SAMD15: variants seen among roughly 807,000 people sequenced by gnomAD.
The protein encoded by SAMD15 is sterile alpha motif domain-containing protein 15.
A neutral mutation model predicts 50.5 loss-of-function variants in SAMD15; 37 were observed. That is an observed-to-expected ratio of 0.73 (90% confidence interval 0.56 to 0.96). The LOEUF (loss-of-function observed/expected upper bound fraction) is 0.96, where lower values mean the gene tolerates loss of function less well. Ranked by LOEUF, SAMD15 falls within the 40% of genes least tolerant of loss-of-function variation. The probability of loss-of-function intolerance (pLI) is 0.00; values close to 1 mark genes in which losing one functional copy is unlikely to be tolerated. For missense variants in SAMD15, 789 were observed against 783.8 expected (o/e 1.01, Z -0.08); for synonymous variants, 255 against 282.8 (o/e 0.90, Z 0.99).
intron 1 of SAMD15, among the ~76,000 whole-genome samples, chr14:77,379,949 A>T (rs978384456): frequency 2.6e-5 from 4 of 152,244 alleles, no homozygotes. Flanking sequence ...ACTAGGTTTA[A>T]GGCTACCACA....
chr14:77,377,729 A>G lies in SAMD15; in HGVS notation c.311A>G (p.His104Arg). The part of the protein sequence containing the change: ...DVPSETEPGI[H>R]QEVKSETSRE... The stretch of plus-strand genomic sequence containing the variant: ...CCAAGCGAAACTGAACCAGGGATAC[A>G]CCAAGAGGTAAAGTCGGAAACATCC... The change falls in exon 1 of 3, where the codon CAC (histidine) becomes CGC (arginine). Residue 104 changes from histidine to arginine, a missense_variant. This residue lies in a region of SAMD15 where 770 missense variants were observed against 745.4 expected (regional missense o/e 1.03). Coordinates refer to ENST00000216471, the MANE Select transcript of SAMD15 (RefSeq NM_001010860.4). The G allele has an allele frequency of 6.2e-7, 1 of 1,614,242 alleles. No individual in the cohort carries two copies. Among genetic ancestry groups the G allele is most frequent in the Non-Finnish European group, 8.5e-7 (1 of 1,180,044 alleles).
In SAMD15 at chr14:77,391,050, C is replaced by T. The variant is rs748835296; in HGVS notation, c.1831C>T (p.Pro611Ser). The T allele has an allele frequency of 7.4e-6, 12 of 1,613,684 alleles. No individual in the cohort carries two copies. The South Asian group carries it at 1.3e-4, about 18-fold the overall frequency. The change falls in exon 3 of 3, where the codon CCA (proline) becomes TCA (serine). Residue 611 changes from proline (P) to serine (S), a missense_variant. By Grantham distance (74) the Pro-to-Ser change is moderately conservative (BLOSUM62 -1). Around this residue, in one of 2 missense-constraint regions of SAMD15, gnomAD observed 770 missense variants for 745.4 expected, o/e 1.03. Coordinates refer to ENST00000216471, the MANE Select transcript of SAMD15 (RefSeq NM_001010860.4). ...GCAGGAGCTCCTGGAAATTGAAGAG[C>T]CATTATTCAAACGCTCCATCAGCCT... The part of the protein sequence containing the change: ...HTQELLEIEE[P>S]LFKRSISLPY...
intron 1 of SAMD15, among the ~76,000 whole-genome samples, chr14:77,380,055 G>A (rs1304415578): frequency 6.6e-6 from 1 of 152,156 alleles, no homozygotes; most frequent in African/African-American, 2.4e-5. Flanking sequence ...CAAAAAAACA[G>A]TTAAAGAGCA....
At chr14:77,384,238 A>C (rs890585894) in intron 2 of SAMD15, among the ~76,000 whole-genome samples, 1 of 152,020 alleles carries the variant, frequency 6.6e-6, no homozygotes, top group African/African-American at 2.4e-5. Flanking sequence ...GAGCGAGCAG[A>C]TTGCTTGAGA....
chr14:77,378,631 G>C lies in SAMD15; in HGVS notation c.1213G>C (p.Glu405Gln). ...AACAAAGCCAACTGAGAAAATTCTAGAGTTACCAGATGAAACCAAACCAAG... is the reference window on the plus strand; with the variant it reads ...AACAAAGCCAACTGAGAAAATTCTACAGTTACCAGATGAAACCAAACCAAG... ...TQTKPTEKIL[E>Q]LPDETKPRET... The change falls in exon 1 of 3, where the codon GAG becomes CAG. Residue 405 changes from glutamate (E) to glutamine (Q), a missense_variant. Glu to Gln is a conservative substitution (Grantham distance 29). Coordinates refer to ENST00000216471, the MANE Select transcript of SAMD15 (RefSeq NM_001010860.4). 6.2e-7 allele frequency: 1 copy of C among 1,614,034 alleles called. No individual in the cohort carries two copies. The highest frequency in any genetic ancestry group is 1.3e-5 in the African/African-American group (1 of 75,024).
chr14:77,382,261 A>T (rs1893952472), intron 2 of SAMD15, among the ~76,000 whole-genome samples: 1 of 151,986 alleles, frequency 6.6e-6, no homozygotes, highest in Non-Finnish European at 1.5e-5. Context: ...AGTAGCTGGG[A>T]CTACAGGCGC....
chr14:77,385,847 A>ATTTT (rs370327770), intron 2 of SAMD15, among the ~76,000 whole-genome samples: 6,284 of 130,962 alleles, frequency 0.048, 648 homozygotes, highest in African/African-American at 0.17. Flanking sequence ...AACATCCTGG[A>ATTTT]TTTTTTTTTT....
In SAMD15 at chr14:77,383,998, A is replaced by C. The variant is rs1158531189; in HGVS notation, c.1788+3517A>C. On this transcript the variant is annotated intron_variant, in intron 2 of 2. Coordinates refer to ENST00000216471, the MANE Select transcript of SAMD15 (RefSeq NM_001010860.4). Reference sequence around the variant, plus strand: ...GTCTCAAAAAAAAAAAAAAAAAAAAAAAAAACCTGATTATGCTCTAAGACA... The same window carrying C: ...GTCTCAAAAAAAAAAAAAAAAAAAACAAAAACCTGATTATGCTCTAAGACA... Among the ~76,000 whole-genome samples, 4 of 151,008 alleles carry C rather than the reference A, an allele frequency of 2.6e-5. No individual in the cohort carries two copies. In the East Asian group the frequency reaches 5.8e-4, roughly 22 times the overall value.
Position 77,380,791 on chromosome 14 carries a change from T to C in SAMD15, c.1788+310T>C, listed in dbSNP as rs1054613401. Among the ~76,000 whole-genome samples the C allele has an allele frequency of 2.6e-5, 4 of 152,144 alleles. No homozygotes were observed. In the East Asian group the frequency reaches 7.7e-4, roughly 29 times the overall value. On this transcript the variant is annotated intron_variant, in intron 2 of 2. Coordinates refer to ENST00000216471, the MANE Select transcript of SAMD15 (RefSeq NM_001010860.4). Reference sequence around the variant, plus strand: ...CTTTTAGCCTGTCTCAATGGACCCTTTGGATTCAAGGGCCCTGCTTTTATG... The same window carrying C: ...CTTTTAGCCTGTCTCAATGGACCCTCTGGATTCAAGGGCCCTGCTTTTATG...
Position 77,378,414 on chromosome 14 carries a change from CAAATT to C in SAMD15, c.998_1002del (p.Lys333ArgfsTer4). 6.2e-7 allele frequency: 1 copy of C among 1,613,950 alleles called. No individual in the cohort carries two copies. Among genetic ancestry groups the C allele is most frequent in the Non-Finnish European group, 8.5e-7 (1 of 1,179,986 alleles). On this transcript the variant is annotated frameshift_variant, in exon 1 of 3. Coordinates refer to ENST00000216471, the MANE Select transcript of SAMD15 (RefSeq NM_001010860.4). LOFTEE classifies it high-confidence loss of function. The stretch of plus-strand genomic sequence containing the variant: ...ACGTTCCTGAGCCACTAGAAGAGAT[CAAATT>C]AGAGTTTCCTGAGGAAGAATCAAGA...
intron 1 of SAMD15, among the ~76,000 whole-genome samples, chr14:77,379,581 C>T (rs181659134): frequency 3.3e-5 from 5 of 152,164 alleles, no homozygotes; most frequent in East Asian, 3.9e-4. Flanking sequence ...TTAGTAGAGA[C>T]GGGGTTTCAC....
At chr14:77,390,232 G>T (rs1205028711) in intron 2 of SAMD15, among the ~76,000 whole-genome samples, 1 of 151,974 alleles carries the variant, frequency 6.6e-6, no homozygotes, top group Non-Finnish European at 1.5e-5. Flanking sequence ...CTGACTTCCG[G>T]TGATCTGCCC....
Position 77,391,869 on chromosome 14 carries a change from C to G in SAMD15, c.*625C>G, listed in dbSNP as rs935314922. On this transcript the variant is annotated 3_prime_UTR_variant, in exon 3 of 3. Transcript: ENST00000216471. Reference sequence around the variant, plus strand: ...AGGATTTCAAGACCAGCCTGGCCAACAAGGTGAAGCCCTGTCTCTACTAAA... The same window carrying G: ...AGGATTTCAAGACCAGCCTGGCCAAGAAGGTGAAGCCCTGTCTCTACTAAA... Among the ~76,000 whole-genome samples, 4 of 152,070 alleles carry G rather than the reference C, an allele frequency of 2.6e-5. No homozygotes were observed. Among genetic ancestry groups the G allele is most frequent in the African/African-American group, 9.7e-5 (4 of 41,416 alleles).
chr14:77,379,914 TA>T (rs1261655489), intron 1 of SAMD15, among the ~76,000 whole-genome samples: 1 of 152,248 alleles, frequency 6.6e-6, no homozygotes, highest in African/African-American at 2.4e-5. Flanking sequence ...AAAGTCAGTG[TA>T]AACCTCTTGT....
Position 77,391,335 on chromosome 14 carries a change from T to TA in SAMD15, c.*91_*92insA, listed in dbSNP as rs1894070378. 2.5e-6 allele frequency: 2 copies of TA among 812,730 alleles called. No homozygotes were observed. Among genetic ancestry groups the TA allele is most frequent in the Admixed American group, 2.5e-5 (1 of 39,280 alleles). The allele number at this position is 812,730 out of a possible 1,614,324, so 50.3% of individuals were successfully genotyped here. A position where few individuals can be genotyped will look rare whatever the true frequency, so the allele number is the denominator to read the frequency against. ...TTTTGGTTTTCTTTTTCTCCTTTTT[T>TA]TTTTTTTTATTTTTTTGAGACAGAG... On this transcript the variant is annotated 3_prime_UTR_variant, in exon 3 of 3. Transcript: ENST00000216471.
chr14:77,377,837 A>G lies in SAMD15; in HGVS notation c.419A>G (p.Glu140Gly). ...HKESDLEPPE[E>G]AKPNVTEDVF... ...GAGTCAGACCTAGAGCCACCAGAGG[A>G]GGCTAAACCAAATGTTACAGAGGAT... The change falls in exon 1 of 3, where the codon GAG (glutamate) becomes GGG (glycine). Residue 140 changes from glutamate (E) to glycine (G), a missense_variant. By Grantham distance (98) the Glu-to-Gly change is moderately conservative. Transcript: ENST00000216471. The G allele has an allele frequency of 6.2e-7, 1 of 1,614,050 alleles. No homozygotes were observed. The highest frequency in any genetic ancestry group is 8.5e-7 in the Non-Finnish European group (1 of 1,179,880).
In SAMD15 at chr14:77,378,466, C is replaced by T. The variant is rs372764538; in HGVS notation, c.1048C>T (p.Leu350=). ...ESRKTNEETI[L]EQSEMMKPES... ...AAGAAAAACAAATGAGGAAACAATT[C>T]TAGAACAATCAGAAATGATGAAACC... The change falls in exon 1 of 3, where the codon CTA becomes TTA. Residue 350 remains leucine (L), a synonymous_variant. Coordinates refer to ENST00000216471, the MANE Select transcript of SAMD15 (RefSeq NM_001010860.4). 1.9e-6 allele frequency: 3 copies of T among 1,612,788 alleles called. No homozygotes were observed. Among genetic ancestry groups the T allele is most frequent in the African/African-American group, 2.7e-5 (2 of 74,680 alleles).
At position 77,379,090 on chromosome 14, in the gene SAMD15, G is replaced by A; in HGVS notation, c.1672G>A (p.Gly558Ser). 4 of 1,613,398 alleles carry A rather than the reference G, an allele frequency of 2.5e-6. No homozygotes were observed. Among genetic ancestry groups the A allele is most frequent in the Non-Finnish European group, 3.4e-6 (4 of 1,179,594 alleles). Residue 558 changes from glycine (G) to serine (S), a missense_variant, in exon 1 of 3, where the codon GGC becomes AGC. Around this residue, in one of 2 missense-constraint regions of SAMD15, gnomAD observed 770 missense variants for 745.4 expected, o/e 1.03. Transcript: ENST00000216471. ...EEVAEWISQLGFPQYKECFIT... is the reference protein window; with the variant it reads ...EEVAEWISQLSFPQYKECFIT... ...AGTTGCAGAGTGGATTAGCCAGCTA[G>A]GCTTCCCTCAATACAAGGTATACAA...
At chr14:77,387,473 A>C (rs527313573) in intron 2 of SAMD15, among the ~76,000 whole-genome samples, 1 of 152,254 alleles carries the variant, frequency 6.6e-6, no homozygotes, top group South Asian at 2.1e-4. Context: ...CTGCAGTTTT[A>C]GTTCAATCTT....
Sources: gnomAD v4.1 joint callset for allele counts (sites outside exome capture counted in the v4.1 genomes callset) on GRCh38, gnomAD v4.1.1 for gene constraint, gnomAD v4.1.1 regional missense constraint, MANE v1.5 for transcripts, NCBI Gene and HGNC (gene_info 2026-07-23, HGNC 2026-07-21) for gene names.